The following PPP6R3 variants were observed in gnomAD, a reference collection of about 807,000 sequenced individuals.
The protein encoded by PPP6R3 is protein phosphatase 6 regulatory subunit 3.
A neutral mutation model predicts 110.7 loss-of-function variants in PPP6R3; 38 were observed. That is an observed-to-expected ratio of 0.34 (90% CI 0.26 to 0.45). The LOEUF (loss-of-function observed/expected upper bound fraction) is 0.45. PPP6R3 is among the 20% of genes least tolerant of loss of function. The pLI is 1.00. For synonymous variants in PPP6R3, 369 were observed against 373.5 expected, an observed-to-expected ratio of 0.99 and a Z score of 0.14; for missense variants, 870 against 1,062.4, an observed-to-expected ratio of 0.82 and a Z score of 2.52.
chr11:68,486,518 T>C (rs924731417), intron 1 of PPP6R3, among the ~76,000 whole-genome samples: 10 of 146,800 alleles, frequency 6.8e-5, no homozygotes, highest in African/African-American at 2.5e-4. Context: ...GGCAGGAGAA[T>C]GGCGTGAACC....
At chr11:68,512,567 A>G (rs2099116101) in intron 1 of PPP6R3, among the ~76,000 whole-genome samples, 1 of 152,228 alleles carries the variant, frequency 6.6e-6, no homozygotes, top group African/African-American at 2.4e-5. Context: ...GTTAGACGGA[A>G]CTATTACCTT....
At chr11:68,556,550 CGAA>C (rs1565821203) in intron 7 of PPP6R3, among the ~76,000 whole-genome samples, 1 of 111,902 alleles carries the variant, frequency 8.9e-6, no homozygotes, top group African/African-American at 3.4e-5. Context: ...AAAAAAAAAA[CGAA>C]AAAAAAAAAC....
chr11:68,466,735 C>G (rs1255735250), intron 1 of PPP6R3, among the ~76,000 whole-genome samples: 1 of 152,222 alleles, frequency 6.6e-6, no homozygotes, highest in African/African-American at 2.4e-5. Context: ...GCCTCAGCCT[C>G]CCGAGTAGCT....
chr11:68,613,042 C>T (rs1038304210), intron 23 of PPP6R3, 24 bp from the exon 24 acceptor site: 11 of 1,613,998 alleles, frequency 6.8e-6, no homozygotes, highest in East Asian at 2.2e-5. Context: ...CAAGTGCCTC[C>T]GATGCCTGTC....
At chr11:68,537,616 G>C (rs375769359) in intron 2 of PPP6R3, 43 bp from the exon 3 acceptor site, 12 of 1,287,866 alleles carry the variant, frequency 9.3e-6, no homozygotes, top group Non-Finnish European at 1.3e-5. Context: ...AAATTAATTT[G>C]TAAAGTTGAA....
At chr11:68,573,601 G>A (rs191268695) in intron 12 of PPP6R3, among the ~76,000 whole-genome samples, 1 of 152,218 alleles carries the variant, frequency 6.6e-6, no homozygotes, top group Admixed American at 6.5e-5. Context: ...TCTCACATCA[G>A]CTAATATCTT....
rs762761734 is a variant in PPP6R3 at position 68,583,020 on chromosome 11, C to T, written c.1546-23C>T. 1.1e-5 allele frequency: 16 copies of T among 1,429,302 alleles called. No individual in the cohort carries two copies. In the South Asian group the frequency reaches 2.0e-4, roughly 18 times the overall value. The allele number at this position is 1,429,302 out of a possible 1,614,324, so 88.5% of individuals were successfully genotyped here. A position where few individuals can be genotyped will look rare whatever the true frequency, so the allele number is the denominator to read the frequency against. On this transcript the variant is annotated intron_variant, in intron 14 of 23. Transcript: ENST00000393800. ...CCAAAACTTTTCTATGTTAAATAGT[C>T]TTTTACATTTTTATGCATATAGGTT...
At chr11:68,552,809 G>T (rs766168645) in intron 6 of PPP6R3, among the ~76,000 whole-genome samples, 2 of 152,236 alleles carry the variant, frequency 1.3e-5, no homozygotes, top group Non-Finnish European at 2.9e-5. Context: ...GAAGAGGATT[G>T]CTCAGTAGGG....
intron 1 of PPP6R3, among the ~76,000 whole-genome samples, chr11:68,463,825 C>T (rs1348527856): frequency 6.6e-6 from 1 of 152,180 alleles, no homozygotes; most frequent in African/African-American, 2.4e-5. Context: ...TCCCCCCTCA[C>T]CCCCCAGGAA....
At chr11:68,560,576 C>G (rs1395569285) in intron 8 of PPP6R3, among the ~76,000 whole-genome samples, 3 of 152,280 alleles carry the variant, frequency 2.0e-5, no homozygotes, top group East Asian at 3.9e-4. Context: ...AAACCTTTAA[C>G]AAAGAAAACT....
chr11:68,513,642 T>C (rs117835284), intron 1 of PPP6R3, among the ~76,000 whole-genome samples: 1,554 of 152,328 alleles, frequency 0.01, 10 homozygotes, highest in African/African-American at 0.012. Flanking sequence ...TCTGCCAAAT[T>C]ATTCAGTCCT....
At chr11:68,483,860 A>G (rs1027847382) in intron 1 of PPP6R3, among the ~76,000 whole-genome samples, 2 of 152,376 alleles carry the variant, frequency 1.3e-5, no homozygotes, top group South Asian at 4.1e-4. Context: ...TCACTGCCCT[A>G]CAGATCCTCT....
intron 8 of PPP6R3, among the ~76,000 whole-genome samples, chr11:68,562,825 C>T (rs58542104): frequency 6.6e-5 from 10 of 152,134 alleles, no homozygotes; most frequent in African/African-American, 2.4e-4. Context: ...AAATCTTTGT[C>T]TCAGAGTCAT....
At chr11:68,504,013 C>T (rs995218391) in intron 1 of PPP6R3, among the ~76,000 whole-genome samples, 1 of 152,162 alleles carries the variant, frequency 6.6e-6, no homozygotes, top group Non-Finnish European at 1.5e-5. Flanking sequence ...CCATGTACCT[C>T]ATTGGAGAGC....
At chr11:68,507,872 T>C (rs909142837) in intron 1 of PPP6R3, among the ~76,000 whole-genome samples, 2 of 152,192 alleles carry the variant, frequency 1.3e-5, no homozygotes, top group African/African-American at 2.4e-5. Context: ...TGATTTCCTC[T>C]TATGAGTTTA....
intron 15 of PPP6R3, chr11:68,586,365 A>G (rs1351619714): frequency 1.3e-5 from 2 of 152,188 alleles, no homozygotes; most frequent in East Asian, 3.8e-4. Flanking sequence ...TTGTCCATTC[A>G]TAGGTCCAGA....
At chr11:68,511,884 C>T (rs1320732845) in intron 1 of PPP6R3, among the ~76,000 whole-genome samples, 1 of 151,900 alleles carries the variant, frequency 6.6e-6, no homozygotes, top group Non-Finnish European at 1.5e-5. Flanking sequence ...CATCTTTATC[C>T]TTTTGAAGGA....
chr11:68,537,703 A>G lies in PPP6R3; in HGVS notation c.39A>G (p.Ile13Met), dbSNP rs1348419239. The part of the protein sequence containing the change: ...WKFDLHSSSH[I>M]DTLLEREDVT... ...TTGATCTTCACTCATCATCCCACAT[A>G]GACACACTTCTAGAAAGAGAAGATG... The change falls in exon 3 of 24, where the codon ATA (isoleucine) becomes ATG (methionine). Residue 13 changes from isoleucine (I) to methionine (M), a missense_variant. Ile to Met is a conservative substitution (Grantham distance 10). Coordinates refer to ENST00000393800, the MANE Select transcript of PPP6R3 (RefSeq NM_001164161.2). 6.2e-7 allele frequency: 1 copy of G among 1,612,298 alleles called. No homozygotes were observed. The highest frequency in any genetic ancestry group is 2.2e-5 in the East Asian group (1 of 44,870).
At chr11:68,580,682 G>A (rs2153818610) in intron 14 of PPP6R3, among the ~76,000 whole-genome samples, 1 of 124,596 alleles carries the variant, frequency 8.0e-6, no homozygotes, top group South Asian at 2.7e-4. Flanking sequence ...ATTCAGTTTT[G>A]TATACATCTG....
Sources: allele counts gnomAD v4.1 joint callset (sites outside exome capture counted in the v4.1 genomes callset), GRCh38; gene constraint gnomAD v4.1.1; transcripts MANE v1.5; gene names NCBI Gene and HGNC (gene_info 2026-07-23, HGNC 2026-07-21).